Variants in CNTN5 observed in about 807,000 individuals in gnomAD.
CNTN5 encodes the protein contactin 5.
CNTN5 carries 77 observed loss-of-function variants against 129.1 expected under a neutral mutation model. The ratio of observed to expected loss-of-function variants is 0.60; its 90% confidence interval spans 0.50 to 0.72. CNTN5 has a LOEUF of 0.72. Ranked by LOEUF, CNTN5 falls within the 30% of genes least tolerant of loss-of-function variation. The probability of loss-of-function intolerance (pLI) is 0.00; values close to 1 mark genes in which losing one functional copy is unlikely to be tolerated. For synonymous variants in CNTN5, 509 were observed against 465.6 expected (o/e 1.09, Z -1.20); for missense variants, 1,478 against 1,328.8 (o/e 1.11, Z -1.75).
chr11:99,439,943 A>G (rs2135143604), intron 2 of CNTN5, among the ~76,000 whole-genome samples: 1 of 152,232 alleles, frequency 6.6e-6, no homozygotes, highest in South Asian at 2.1e-4. Flanking sequence ...GTTGTAATAA[A>G]AGACAAAATG....
At chr11:99,666,209 C>G (rs1411698445) in intron 3 of CNTN5, among the ~76,000 whole-genome samples, 1 of 152,172 alleles carries the variant, frequency 6.6e-6, no homozygotes, top group Non-Finnish European at 1.5e-5. Flanking sequence ...CTCAGGTGAT[C>G]CGCCTGCCTG....
At chr11:99,575,936 G>A (rs1326807939) in intron 3 of CNTN5, among the ~76,000 whole-genome samples, 1 of 152,040 alleles carries the variant, frequency 6.6e-6, no homozygotes, top group Non-Finnish European at 1.5e-5. Flanking sequence ...AACCAATAGG[G>A]GCAACCCACT....
intron 7 of CNTN5, among the ~76,000 whole-genome samples, chr11:99,950,778 C>T (rs1346263436): frequency 2.0e-5 from 3 of 152,130 alleles, no homozygotes; most frequent in African/African-American, 7.2e-5. Context: ...ATTACTACCA[C>T]GTAGACATTA....
chr11:99,076,124 A>C (rs958277229), intron 1 of CNTN5, among the ~76,000 whole-genome samples: 1 of 152,074 alleles, frequency 6.6e-6, no homozygotes, highest in South Asian at 2.1e-4. Context: ...ACCTGAAGTC[A>C]GGAGTTTGAG....
chr11:100,154,593 G>A (rs112219001), intron 13 of CNTN5, among the ~76,000 whole-genome samples: 14 of 152,180 alleles, frequency 9.2e-5, no homozygotes, highest in African/African-American at 2.2e-4. Flanking sequence ...TTGAGGAATC[G>A]CCACCCTGTC....
At chr11:99,574,070 G>A (rs1239734094) in intron 3 of CNTN5, among the ~76,000 whole-genome samples, 2 of 151,864 alleles carry the variant, frequency 1.3e-5, no homozygotes, top group African/African-American at 4.8e-5. Flanking sequence ...CCCACTCCCC[G>A]ACAGGCCCAG....
At chr11:99,895,352 C>G (rs930747900) in intron 6 of CNTN5, among the ~76,000 whole-genome samples, 2 of 152,200 alleles carry the variant, frequency 1.3e-5, no homozygotes, top group Non-Finnish European at 2.9e-5. Flanking sequence ...TTCTCATACC[C>G]TATCTGGTGG....
chr11:99,092,254 A>G (rs1014375850), intron 1 of CNTN5, among the ~76,000 whole-genome samples: 1 of 152,120 alleles, frequency 6.6e-6, no homozygotes, highest in African/African-American at 2.4e-5. Context: ...CGGTAGTCCA[A>G]TCCATCTCAG....
intron 3 of CNTN5, among the ~76,000 whole-genome samples, chr11:99,771,503 T>C (rs905660493): frequency 6.6e-6 from 1 of 152,024 alleles, no homozygotes; most frequent in African/African-American, 2.4e-5. Context: ...TGTGATGAGA[T>C]TAATGAAACT....
chr11:100,274,170 T>A lies in CNTN5; in HGVS notation c.2314+2929T>A, dbSNP rs1273661613. Among the ~76,000 whole-genome samples the A allele has an allele frequency of 2.0e-5, 3 of 152,230 alleles. No homozygotes were observed. In the East Asian group the frequency reaches 5.8e-4, roughly 29 times the overall value. ...GTGCTGAGATAACTGGCTAGCCATA[T>A]GCAGAAGATTGAAACTGGACCACTT... is the stretch of plus-strand genomic sequence containing the variant. On this transcript the variant is annotated intron_variant, in intron 18 of 24. Transcript: ENST00000524871.
intron 21 of CNTN5, among the ~76,000 whole-genome samples, chr11:100,321,602 A>G (rs530930937): frequency 1.8e-4 from 28 of 152,280 alleles, no homozygotes; most frequent in African/African-American, 6.5e-4. Flanking sequence ...AGAAGTGGCA[A>G]GAGTATGCAT....
chr11:99,133,150 T>C (rs1244926142), intron 1 of CNTN5, among the ~76,000 whole-genome samples: 2 of 151,932 alleles, frequency 1.3e-5, no homozygotes, highest in Non-Finnish European at 1.5e-5. Flanking sequence ...AAACAAACAG[T>C]GAGGAGAGGA....
intron 1 of CNTN5, among the ~76,000 whole-genome samples, chr11:99,189,444 A>AT (rs899417400): frequency 2.0e-5 from 3 of 151,562 alleles, no homozygotes; most frequent in African/African-American, 7.3e-5. Flanking sequence ...TTTTTAATGT[A>AT]TTTGAAGAAC....
At chr11:100,276,636 A>G (rs1226349531) in intron 18 of CNTN5, among the ~76,000 whole-genome samples, 1 of 152,068 alleles carries the variant, frequency 6.6e-6, no homozygotes, top group Non-Finnish European at 1.5e-5. Context: ...CAAAATCATA[A>G]TACAAATATA....
At chr11:99,555,452 G>GA (rs1156907494) in intron 2 of CNTN5, among the ~76,000 whole-genome samples, 10 of 151,388 alleles carry the variant, frequency 6.6e-5, no homozygotes, top group Admixed American at 2.0e-4. Context: ...ATCATTCAGG[G>GA]AAAAAAAGGA....
chr11:99,766,659 C>T (rs78434749), intron 3 of CNTN5, among the ~76,000 whole-genome samples: 2,345 of 152,108 alleles, frequency 0.015, 28 homozygotes, highest in Non-Finnish European at 0.024. Flanking sequence ...ATACCCCCAT[C>T]GCTGCTGTTA....
intron 13 of CNTN5, among the ~76,000 whole-genome samples, chr11:100,104,718 A>G (rs1314474128): frequency 6.6e-6 from 1 of 152,180 alleles, no homozygotes; most frequent in Non-Finnish European, 1.5e-5. Context: ...GAAAATGGGC[A>G]GGACATAGTA....
intron 6 of CNTN5, among the ~76,000 whole-genome samples, chr11:99,888,385 A>T (rs541052099): frequency 6.6e-6 from 1 of 152,226 alleles, no homozygotes; most frequent in African/African-American, 2.4e-5. Flanking sequence ...ATACTACTTG[A>T]CAAAGTTGAA....
intron 1 of CNTN5, among the ~76,000 whole-genome samples, chr11:99,249,516 A>G (rs970482366): frequency 5.9e-5 from 9 of 152,054 alleles, no homozygotes; most frequent in Non-Finnish European, 1.2e-4. Context: ...GGGAAAATAT[A>G]TCAACCAGAA....
Sources: allele counts gnomAD v4.1 joint callset (sites outside exome capture counted in the v4.1 genomes callset), GRCh38; gene constraint gnomAD v4.1.1; transcripts MANE v1.5; gene names NCBI Gene and HGNC (gene_info 2026-07-23, HGNC 2026-07-21).